The following ANKS1B variants were observed in gnomAD, a reference collection of about 807,000 sequenced individuals.
The protein encoded by ANKS1B is ankyrin repeat and sterile alpha motif domain containing 1B.
In ANKS1B, 36 loss-of-function variants were observed where a neutral mutation model predicts 148.3. The ratio of observed to expected loss-of-function variants is 0.24; its 90% CI spans 0.19 to 0.32. The LOEUF (loss-of-function observed/expected upper bound fraction) is 0.32, where lower values mean the gene tolerates loss of function less well. Among genes scored for constraint, ANKS1B ranks in the 10% least tolerant of loss-of-function variants. The pLI is 1.00. For missense variants in ANKS1B, 1,157 were observed against 1,542.6 expected (o/e 0.75, Z 4.19); for synonymous variants, 542 against 560.8 (o/e 0.97, Z 0.47).
At chr12:99,795,286 C>T (rs1295887232) in intron 4 of ANKS1B, among the ~76,000 whole-genome samples, 1 of 151,364 alleles carries the variant, frequency 6.6e-6, no homozygotes, top group East Asian at 1.9e-4. Flanking sequence ...AAAAAATTGC[C>T]TAAAAAGAAA....
At chr12:99,278,536 G>A (rs911737169) in intron 12 of ANKS1B, among the ~76,000 whole-genome samples, 3 of 152,074 alleles carry the variant, frequency 2.0e-5, no homozygotes, top group East Asian at 1.9e-4. Context: ...ATGCTTTTGT[G>A]TACCCTCTTC....
At chr12:98,993,150 T>G (rs1315552080) in intron 17 of ANKS1B, among the ~76,000 whole-genome samples, 1 of 152,172 alleles carries the variant, frequency 6.6e-6, no homozygotes, top group Admixed American at 6.5e-5. Context: ...TAGTTGATTC[T>G]TTTTTTAAAA....
chr12:99,098,554 T>G (rs568485591), intron 15 of ANKS1B, among the ~76,000 whole-genome samples: 1 of 150,582 alleles, frequency 6.6e-6, no homozygotes, highest in South Asian at 2.1e-4. Flanking sequence ...ACATAATGTT[T>G]ATGAAGTTGC....
chr12:98,751,272 C>T lies in ANKS1B; in HGVS notation c.3747+83G>A. ...GAAGAGGCCCTGGGTTCTAATGGCA[C>T]CCACACCACACAAGGGCCTGGTTAG... On this transcript the variant is annotated intron_variant, in intron 26 of 26. Transcript: ENST00000683438. The surrounding 1 kb of genome is among the most constrained non-coding windows in gnomAD (Gnocchi z 4.3). 3 of 1,425,698 alleles carry T rather than the reference C, an allele frequency of 2.1e-6. No homozygotes were observed. Among genetic ancestry groups the T allele is most frequent in the Non-Finnish European group, 2.9e-6 (3 of 1,052,032 alleles). The allele number at this position is 1,425,698 out of a possible 1,614,324, so 88.3% of individuals were successfully genotyped here.
chr12:99,134,974 G>A (rs535436787), intron 15 of ANKS1B, among the ~76,000 whole-genome samples: 3 of 152,144 alleles, frequency 2.0e-5, no homozygotes, highest in South Asian at 2.1e-4. Context: ...CTTTTAGCAC[G>A]AGCGACAAAG....
chr12:98,927,957 A>G (rs2099810232), intron 17 of ANKS1B, among the ~76,000 whole-genome samples: 1 of 151,732 alleles, frequency 6.6e-6, no homozygotes, highest in East Asian at 1.9e-4. Flanking sequence ...TAATTTAGAG[A>G]ACAGTAAAAC....
intron 1 of ANKS1B, among the ~76,000 whole-genome samples, chr12:99,849,377 G>C (rs2087296042): frequency 6.6e-6 from 1 of 152,034 alleles, no homozygotes; most frequent in African/African-American, 2.4e-5. Context: ...CCACCAGAAT[G>C]ACTGAAATCA....
chr12:99,479,073 G>C (rs1350075203), intron 10 of ANKS1B, among the ~76,000 whole-genome samples: 1 of 151,764 alleles, frequency 6.6e-6, no homozygotes, highest in Non-Finnish European at 1.5e-5. Flanking sequence ...TATACTTTTA[G>C]CACATGTCAA....
chr12:99,474,140 T>A (rs1385036311), intron 10 of ANKS1B, among the ~76,000 whole-genome samples: 1 of 152,108 alleles, frequency 6.6e-6, no homozygotes, highest in Non-Finnish European at 1.5e-5. Flanking sequence ...TTAGTACATC[T>A]GTTTTCACGC....
At chr12:99,648,458 G>C (rs1339902609) in intron 9 of ANKS1B, 1 of 1,614,168 alleles carries the variant, frequency 6.2e-7, no homozygotes, top group South Asian at 1.1e-5. Flanking sequence ...GCTGCTGTCT[G>C]TGACAATGCC....
intron 12 of ANKS1B, among the ~76,000 whole-genome samples, chr12:99,282,097 GGTGT>G (rs760292871): frequency 1.5e-4 from 23 of 152,114 alleles, no homozygotes; most frequent in Non-Finnish European, 3.1e-4. Context: ...AAGGAAGATG[GGTGT>G]GTTGTGAGGG....
At chr12:99,429,709 A>T (rs1002800180) in intron 11 of ANKS1B, among the ~76,000 whole-genome samples, 2 of 152,108 alleles carry the variant, frequency 1.3e-5, no homozygotes, top group African/African-American at 2.4e-5. Flanking sequence ...CACGCCTGTA[A>T]TCCCAGCACT....
intron 9 of ANKS1B, among the ~76,000 whole-genome samples, chr12:99,606,453 T>G (rs1424261822): frequency 6.6e-6 from 1 of 152,026 alleles, no homozygotes; most frequent in African/African-American, 2.4e-5. Flanking sequence ...GCAAACTTTG[T>G]GAACTGTCTC....
intron 1 of ANKS1B, among the ~76,000 whole-genome samples, chr12:99,970,104 T>C (rs2095540379): frequency 1.3e-5 from 2 of 152,158 alleles, no homozygotes; most frequent in Non-Finnish European, 2.9e-5. Flanking sequence ...AGATTAGTGG[T>C]TCTCAAATTT....
chr12:99,069,347 C>T (rs762309198), intron 16 of ANKS1B, among the ~76,000 whole-genome samples: 28 of 152,194 alleles, frequency 1.8e-4, no homozygotes, highest in Non-Finnish European at 3.4e-4. Context: ...GGAAATTGAT[C>T]TCTCTATATT....
rs377537596 is a variant in ANKS1B, at chr12:99,383,867, AG to A, written c.1756+15763del. ...ATCTCTACAAAAAAAAAAAAAAAAA[AG>A]AAAAGAAAAGAAGTAACTGGGCATG... On this transcript the variant is annotated intron_variant, in intron 12 of 26. Transcript: ENST00000683438. Among the ~76,000 whole-genome samples, 116 of 139,112 alleles carry A rather than the reference AG, an allele frequency of 8.3e-4. 2 individuals are homozygous for A. The South Asian group carries it at 0.011, about 13-fold the overall frequency. The allele number at this position is 139,112 out of a possible 152,430, so 91.3% of individuals were successfully genotyped here.
At chr12:99,179,729 T>C (rs1480254519) in intron 14 of ANKS1B, among the ~76,000 whole-genome samples, 1 of 152,196 alleles carries the variant, frequency 6.6e-6, no homozygotes, top group Non-Finnish European at 1.5e-5. Context: ...TAGGAAAATC[T>C]GTAAAGTGAG....
intron 17 of ANKS1B, among the ~76,000 whole-genome samples, chr12:98,864,184 G>C (rs2099613375): frequency 6.9e-6 from 1 of 144,354 alleles, no homozygotes; most frequent in Admixed American, 7.0e-5. Flanking sequence ...CATAATATTT[G>C]TGCATACTTA....
chr12:99,167,463 A>C (rs1327641877), intron 14 of ANKS1B, among the ~76,000 whole-genome samples: 3 of 152,310 alleles, frequency 2.0e-5, no homozygotes, highest in South Asian at 4.1e-4. Flanking sequence ...AAGGGAAACA[A>C]GCATTTGAAA....
Sources: gnomAD v4.1 joint callset for allele counts (sites outside exome capture counted in the v4.1 genomes callset) on GRCh38, gnomAD v4.1.1 for gene constraint, Gnocchi (gnomAD v3.1) non-coding constraint, MANE v1.5 for transcripts, NCBI Gene and HGNC (gene_info 2026-07-23, HGNC 2026-07-21) for gene names.